The following PARD3 variants were observed in gnomAD, a reference collection of about 807,000 sequenced individuals.
The protein encoded by PARD3 is par-3 family cell polarity regulator.
PARD3 carries 75 observed loss-of-function variants against 155.4 expected under a neutral mutation model. The ratio of observed to expected loss-of-function variants is 0.48; its 90% CI spans 0.40 to 0.58. The LOEUF (loss-of-function observed/expected upper bound fraction) is 0.58. Among genes scored for constraint, PARD3 ranks in the 20% least tolerant of loss-of-function variants. The pLI is 0.00. For missense variants in PARD3, 1,642 were observed against 1,721.7 expected (o/e 0.95, Z 0.82); for synonymous variants, 576 against 610.5 (o/e 0.94, Z 0.83).
At chr10:34,373,680 AAAG>A (rs1447626949) in intron 11 of PARD3, among the ~76,000 whole-genome samples, 6 of 152,132 alleles carry the variant, frequency 3.9e-5, no homozygotes, top group African/African-American at 7.2e-5. Context: ...TTTTAAATAT[AAAG>A]AAGTTTTCAT....
chr10:34,632,129 G>A (rs1291538204), intron 2 of PARD3, among the ~76,000 whole-genome samples: 1 of 152,178 alleles, frequency 6.6e-6, no homozygotes, highest in Non-Finnish European at 1.5e-5. Flanking sequence ...TGTGGTGGCA[G>A]GCACCTGTAA....
At chr10:34,332,158 C>T (rs761657421) in intron 18 of PARD3, among the ~76,000 whole-genome samples, 2 of 152,000 alleles carry the variant, frequency 1.3e-5, no homozygotes, top group African/African-American at 2.4e-5. Context: ...GGACAAATTC[C>T]GGGAATTAAA....
At chr10:34,419,751 GA>G (rs1430806404) in intron 5 of PARD3, among the ~76,000 whole-genome samples, 22 of 152,210 alleles carry the variant, frequency 1.4e-4, no homozygotes, top group African/African-American at 5.3e-4. Flanking sequence ...TCTCCCTTCA[GA>G]AAGAATTAAC....
chr10:34,204,616 G>A (rs1951379388), intron 22 of PARD3, among the ~76,000 whole-genome samples: 1 of 152,114 alleles, frequency 6.6e-6, no homozygotes, highest in African/African-American at 2.4e-5. Flanking sequence ...CTCTGGGTTG[G>A]CTACTCCTGG....
intron 18 of PARD3, among the ~76,000 whole-genome samples, chr10:34,332,329 C>T (rs2134239355): frequency 6.6e-6 from 1 of 152,222 alleles, no homozygotes; most frequent in Non-Finnish European, 1.5e-5. Flanking sequence ...AATTTAGCTT[C>T]CGGATGACTG....
intron 5 of PARD3, among the ~76,000 whole-genome samples, chr10:34,408,213 G>A (rs12251009): frequency 0.53 from 80,410 of 150,614 alleles, 22,009 homozygotes; most frequent in African/African-American, 0.68. Context: ...TGTTTAGAAA[G>A]CACAAAAAAA....
At chr10:34,454,885 G>T (rs112306529) in intron 4 of PARD3, among the ~76,000 whole-genome samples, 1 of 152,124 alleles carries the variant, frequency 6.6e-6, no homozygotes, top group Non-Finnish European at 1.5e-5. Context: ...TGGCTATGGA[G>T]AAAATCTCTT....
intron 1 of PARD3, among the ~76,000 whole-genome samples, chr10:34,789,258 A>G (rs552134633): frequency 2.0e-5 from 3 of 152,126 alleles, no homozygotes; most frequent in Admixed American, 2.0e-4. Flanking sequence ...ATTGTGCCGC[A>G]GCACTCCAGC....
chr10:34,671,884 C>CA (rs1484199277), intron 2 of PARD3, among the ~76,000 whole-genome samples: 1 of 152,098 alleles, frequency 6.6e-6, no homozygotes. Flanking sequence ...TTACATATCA[C>CA]AAAAAACTGG....
At chr10:34,664,532 G>A (rs981197981) in intron 2 of PARD3, among the ~76,000 whole-genome samples, 16 of 150,330 alleles carry the variant, frequency 1.1e-4, no homozygotes, top group Non-Finnish European at 1.6e-4. Context: ...TGTGTTGCCC[G>A]GGCTGGAGTG....
At chr10:34,306,769 G>A (rs1957432003) in intron 20 of PARD3, among the ~76,000 whole-genome samples, 1 of 152,236 alleles carries the variant, frequency 6.6e-6, no homozygotes, top group Non-Finnish European at 1.5e-5. Flanking sequence ...AGAGACGGCA[G>A]TGACATTGCC....
intron 7 of PARD3, among the ~76,000 whole-genome samples, chr10:34,392,524 A>ACC (rs1842947026): frequency 6.6e-6 from 1 of 152,170 alleles, no homozygotes; most frequent in Admixed American, 6.5e-5. Flanking sequence ...CCAGACCCAC[A>ACC]CCCAGAGTCC....
In PARD3 at chr10:34,131,536, T is replaced by G; in HGVS notation, c.3467A>C (p.Gln1156Pro). The part of the protein sequence containing the change: ...SNHDRIQRLR[Q>P]EFQQAKQDED... The stretch of plus-strand genomic sequence containing the variant: ...ATCTTGCTTTGCTTGCTGAAATTCT[T>G]GCCTCAGACGCTGTATCCGATCATG... The change falls in exon 23 of 25, where the codon CAA becomes CCA. Residue 1156 changes from glutamine to proline, a missense_variant. Gln to Pro is a moderately conservative substitution (Grantham distance 76). Transcript: ENST00000374788. 1 of 1,614,058 alleles carries G rather than the reference T, an allele frequency of 6.2e-7. No homozygotes were observed. Among genetic ancestry groups the G allele is most frequent in the African/African-American group, 1.3e-5 (1 of 75,036 alleles).
intron 1 of PARD3, among the ~76,000 whole-genome samples, chr10:34,800,336 C>T (rs1189341745): frequency 6.6e-6 from 1 of 151,974 alleles, no homozygotes; most frequent in East Asian, 1.9e-4. Context: ...TGGCCAGGCA[C>T]GGTGGCTCAG....
At chr10:34,196,298 C>T (rs894896420) in intron 22 of PARD3, among the ~76,000 whole-genome samples, 2 of 152,162 alleles carry the variant, frequency 1.3e-5, no homozygotes, top group African/African-American at 4.8e-5. Context: ...CTTTAAGCTC[C>T]GCTTGTTAAT....
chr10:34,135,362 G>A (rs908765847), intron 22 of PARD3, among the ~76,000 whole-genome samples: 1 of 152,174 alleles, frequency 6.6e-6, no homozygotes, highest in African/African-American at 2.4e-5. Flanking sequence ...TAATGATCTG[G>A]GTTTTGGTTT....
At chr10:34,143,940 T>C (rs568570924) in intron 22 of PARD3, among the ~76,000 whole-genome samples, 12 of 151,978 alleles carry the variant, frequency 7.9e-5, no homozygotes, top group African/African-American at 2.9e-4. Flanking sequence ...TAATTATTCA[T>C]TAATAATTTT....
chr10:34,679,447 T>C (rs1479753943), intron 2 of PARD3, among the ~76,000 whole-genome samples: 2 of 152,168 alleles, frequency 1.3e-5, no homozygotes, highest in Non-Finnish European at 2.9e-5. Context: ...CAGAGGGCTA[T>C]AGGATAGGAT....
chr10:34,385,999 CTA>C (rs1354103432), intron 7 of PARD3, among the ~76,000 whole-genome samples: 2 of 152,138 alleles, frequency 1.3e-5, no homozygotes, highest in Non-Finnish European at 2.9e-5. Flanking sequence ...ATCATTTCTA[CTA>C]AAGATATGAT....
Sources: gnomAD v4.1 joint callset for allele counts (sites outside exome capture counted in the v4.1 genomes callset) on GRCh38, gnomAD v4.1.1 for gene constraint, MANE v1.5 for transcripts, NCBI Gene and HGNC (gene_info 2026-07-23, HGNC 2026-07-21) for gene names.